Variants in OFD1 observed in about 807,000 individuals in gnomAD.
OFD1 encodes the protein OFD1 centriole and centriolar satellite protein.
OFD1 carries 12 observed loss-of-function variants against 81.4 expected under a neutral mutation model. The observed-to-expected ratio is 0.15, with a 90% CI of 0.09 to 0.24. The LOEUF is 0.24. Ranked by LOEUF, OFD1 falls within the 10% of genes least tolerant of loss-of-function variation. The pLI, the probability that OFD1 is intolerant of heterozygous loss-of-function variation, is 1.00. For synonymous variants in OFD1, 256 were observed against 263.7 expected (o/e 0.97, Z 0.28); for missense variants, 685 against 733.9 (o/e 0.93, Z 0.77).
rs768396620 is a variant in OFD1 at position 13,760,319 on chromosome X, C to A, written c.1859C>A (p.Ser620Tyr). ...NYPTAWVEGS[S>Y]PDSDLEFVAN... ...CCAACTGCATGGGTGGAGGGTAGTT[C>A]CCCTGATTCTGACCTTGAGTTTGTA... The change falls in exon 16 of 23, where the codon TCC becomes TAC. Residue 620 changes from serine (S) to tyrosine (Y), a missense_variant. Ser to Tyr is a moderately radical substitution (Grantham distance 144, BLOSUM62 -2). Coordinates refer to ENST00000340096, the MANE Select transcript of OFD1 (RefSeq NM_003611.3). 4 of 1,209,796 alleles carry A rather than the reference C, an allele frequency of 3.3e-6. No homozygotes were observed. Among genetic ancestry groups the A allele is most frequent in the Non-Finnish European group, 4.5e-6 (4 of 895,091 alleles).
At chrX:13,757,292 C>T (rs1220485031) in intron 13 of OFD1, among the ~76,000 whole-genome samples, 1 of 111,947 alleles carries the variant, frequency 8.9e-6, no homozygotes, top group Non-Finnish European at 1.9e-5. Flanking sequence ...CTGCTGCTGT[C>T]AGATGCCCAG....
rs141469496 is a variant in OFD1, at chrX:13,740,026, A to G, written c.412+994A>G. On this transcript the variant is annotated intron_variant, in intron 5 of 22. Transcript: ENST00000340096. Reference sequence around the variant, plus strand: ...ATCATCCCCACAAGGACATTCATTTATTCATCCATTCATTCGCCAATTCAT... The same window carrying G: ...ATCATCCCCACAAGGACATTCATTTGTTCATCCATTCATTCGCCAATTCAT... 1.3e-3 allele frequency: 1,237 copies of G among 925,408 alleles called. 6 individuals carry two copies. In the African/African-American group the frequency reaches 0.023, roughly 17 times the overall value. 76.3% of individuals were successfully genotyped at this position (925,408 alleles called of 1,213,427 possible). A position where few individuals can be genotyped will look rare whatever the true frequency, so the allele number is the denominator to read the frequency against.
intron 11 of OFD1, among the ~76,000 whole-genome samples, chrX:13,754,228 G>A (rs1192210731): frequency 2.7e-5 from 3 of 111,037 alleles, no homozygotes; most frequent in African/African-American, 6.6e-5. Flanking sequence ...TGATCCGCCC[G>A]CCTCGGCCTC....
the OFD1 span, among the ~76,000 whole-genome samples, chrX:13,724,238 T>C: frequency 9.1e-6 from 1 of 109,940 alleles, no homozygotes; most frequent in Admixed American, 9.7e-5. Flanking sequence ...AACTTGGTGA[T>C]ACAAAGAGCT....
rs149880658 is a variant in OFD1 at position 13,755,586 on chromosome X, T to C, written c.1221+344T>C. ...TGAGGGAATTCAGTAAGCTAACTTA[T>C]GTGCCTAGTTCATAGCAGGTGGCCA... is the stretch of plus-strand genomic sequence containing the variant. On this transcript the variant is annotated intron_variant, in intron 12 of 22. Transcript: ENST00000340096. Among the ~76,000 whole-genome samples, 225 of 112,186 alleles carry C rather than the reference T, an allele frequency of 2.0e-3. 1 individual carries two copies. Among genetic ancestry groups the C allele is most frequent in the African/African-American group, 6.5e-3 (202 of 30,881 alleles).
At chrX:13,742,677 C>T (rs1048499574) in intron 5 of OFD1, among the ~76,000 whole-genome samples, 1 of 110,823 alleles carries the variant, frequency 9.0e-6, no homozygotes, top group Non-Finnish European at 1.9e-5. Flanking sequence ...GCGCCTGCCA[C>T]CACGCCTGGC....
chrX:13,715,483 T>TA, the OFD1 span: 1 of 113,328 alleles, frequency 8.8e-6, no homozygotes, highest in South Asian at 3.6e-4. Flanking sequence ...AAACAAAACA[T>TA]ACTATTGTTA....
intron 3 of OFD1, among the ~76,000 whole-genome samples, chrX:13,738,137 T>C (rs1316977815): frequency 8.9e-6 from 1 of 112,343 alleles, no homozygotes; most frequent in East Asian, 2.8e-4. Flanking sequence ...GCATGAGCCC[T>C]CGTGTCTGGC....
At position 13,752,764 on chromosome X, in the gene OFD1, G is replaced by A. The variant is rs147058352; in HGVS notation, c.1056-604G>A. 2.5e-4 allele frequency: 244 copies of A among 970,228 alleles called. 1 individual carries two copies. In the African/African-American group the frequency reaches 4.6e-3, roughly 18 times the overall value. 80.0% of individuals were successfully genotyped at this position (970,228 alleles called of 1,213,427 possible). A position where few individuals can be genotyped will look rare whatever the true frequency, so the allele number is the denominator to read the frequency against. ...GAATCCTCATATGACTTTGGCAGGT[G>A]TTGGAGTTTGGAGGCTCTTCGCCAC... On this transcript the variant is annotated intron_variant, in intron 10 of 22. Coordinates refer to ENST00000340096, the MANE Select transcript of OFD1 (RefSeq NM_003611.3).
At chrX:13,736,426 A>G in intron 2 of OFD1, 52 bp from the exon 3 acceptor site, 1 of 1,159,299 alleles carries the variant, frequency 8.6e-7, no homozygotes, top group Non-Finnish European at 1.2e-6. Context: ...AGTCCTGCTG[A>G]AATTTCTTTC....
the OFD1 span, chrX:13,720,211 C>A: frequency 1.8e-5 from 4 of 226,715 alleles, no homozygotes; most frequent in Non-Finnish European, 3.1e-5. Flanking sequence ...CTTAAGTAAA[C>A]TGGAAGACCT....
upstream of OFD1, chrX:13,734,387 C>T: frequency 3.5e-6 from 1 of 288,704 alleles, no homozygotes; most frequent in East Asian, 5.4e-5. Context: ...GATGAGCCAG[C>T]GGAGGGCTGG....
At chrX:13,752,669 T>C (rs780410115) in intron 10 of OFD1, 25 of 964,153 alleles carry the variant, frequency 2.6e-5, no homozygotes, top group East Asian at 7.5e-5. Flanking sequence ...TACATAGTTA[T>C]GGAGCTAGTG....
intron 22 of OFD1, 35 bp from the exon 23 acceptor site, chrX:13,769,031 T>G (rs2048244476): frequency 1.9e-6 from 2 of 1,078,769 alleles, no homozygotes; most frequent in Non-Finnish European, 2.6e-6. Flanking sequence ...TGACACAAAT[T>G]TTTACATTTT....
chrX:13,736,372 G>T (rs1163738704), intron 2 of OFD1, 106 bp from the exon 3 acceptor site: 8 of 1,097,905 alleles, frequency 7.3e-6, no homozygotes, highest in Non-Finnish European at 8.7e-6. Context: ...TAGAAGGAAG[G>T]TTTCCAATGA....
upstream of OFD1, among the ~76,000 whole-genome samples, chrX:13,732,845 T>C (rs973243183): frequency 1.8e-5 from 2 of 112,794 alleles, no homozygotes; most frequent in African/African-American, 3.2e-5. Flanking sequence ...ACAACCTCTA[T>C]AGAAGAGCTT....
chrX:13,769,425 TG>T (rs766867760), downstream of OFD1: 5 of 227,753 alleles, frequency 2.2e-5, no homozygotes, highest in Non-Finnish European at 3.9e-5. Context: ...GCCTACATTT[TG>T]GAAGTATAAG....
At chrX:13,772,479 G>A (rs1424220582), downstream of OFD1, 2 of 121,380 alleles carry the variant, frequency 1.6e-5, no homozygotes, top group Non-Finnish European at 3.4e-5. Context: ...TGGCATATAT[G>A]TGAATTTACG....
rs1382152627 is a variant in OFD1 at position 13,752,652 on chromosome X, T to A, written c.1056-716T>A. On this transcript the variant is annotated intron_variant, in intron 10 of 22. Coordinates refer to ENST00000340096, the MANE Select transcript of OFD1 (RefSeq NM_003611.3). The stretch of plus-strand genomic sequence containing the variant: ...GAATAAATGAATTAAAGTATGTGTG[T>A]TAATTTTACATAGTTATGGAGCTAG... 5.3e-6 allele frequency: 5 copies of A among 949,570 alleles called. No homozygotes were observed. The East Asian group carries it at 2.3e-4, about 43-fold the overall frequency. 78.3% of individuals were successfully genotyped at this position (949,570 alleles called of 1,213,427 possible).
Sources: allele counts gnomAD v4.1 joint callset (sites outside exome capture counted in the v4.1 genomes callset), GRCh38; gene constraint gnomAD v4.1.1; transcripts MANE v1.5; gene names NCBI Gene and HGNC (gene_info 2026-07-23, HGNC 2026-07-21).